Variants in MYOM3 observed in about 807,000 individuals in gnomAD.
The protein encoded by MYOM3 is myomesin-3.
MYOM3 carries 155 observed loss-of-function variants against 191.7 expected under a neutral mutation model. The ratio of observed to expected loss-of-function variants is 0.81; its 90% CI spans 0.71 to 0.92. MYOM3 has a LOEUF of 0.92. MYOM3 is among the 40% of genes least tolerant of loss of function. MYOM3 has a pLI of 0.00. For missense variants in MYOM3, 1,889 were observed against 1,890.6 expected (o/e 1.00, Z 0.02); for synonymous variants, 757 against 762.9 (o/e 0.99, Z 0.13).
intron 10 of MYOM3, among the ~76,000 whole-genome samples, chr1:24,092,633 GT>G (rs796901537): frequency 1.3e-5 from 2 of 152,130 alleles, no homozygotes; most frequent in South Asian, 2.1e-4. Context: ...CCTGCCCAAA[GT>G]CACCCAGCTG....
chr1:24,059,843 G>A lies in MYOM3; in HGVS notation c.3995-864C>T, dbSNP rs1383433920. On this transcript the variant is annotated intron_variant, in intron 35 of 36. Transcript: ENST00000374434. ...CAGGGGAAGCTGTGGGAACAGGACG[G>A]GTGGTCAGCACGGCCTAGACCAGGG... Among the ~76,000 whole-genome samples, 4 of 152,162 alleles carry A rather than the reference G, an allele frequency of 2.6e-5. No homozygotes were observed. In the East Asian group the frequency reaches 7.7e-4, roughly 29 times the overall value.
chr1:24,099,441 G>A (rs1643896154), intron 6 of MYOM3, among the ~76,000 whole-genome samples: 1 of 150,010 alleles, frequency 6.7e-6, no homozygotes, highest in South Asian at 2.1e-4. Flanking sequence ...GAATCACATG[G>A]TGGGTGTGTG....
chr1:24,067,309 T>TTCC (rs1212290821), intron 27 of MYOM3, among the ~76,000 whole-genome samples: 1,307 of 90,872 alleles, frequency 0.014, 247 homozygotes, highest in African/African-American at 0.053. Flanking sequence ...TCTTTCCTTC[T>TTCC]TTCTTTCTTT....
At chr1:24,059,407 T>G (rs1282535764) in intron 35 of MYOM3, among the ~76,000 whole-genome samples, 3 of 152,244 alleles carry the variant, frequency 2.0e-5, no homozygotes, top group Non-Finnish European at 4.4e-5. Flanking sequence ...AGTGGTGGGA[T>G]TATAGGCATG....
At chr1:24,075,792 C>A (rs147328939) in intron 21 of MYOM3, among the ~76,000 whole-genome samples, 2 of 152,326 alleles carry the variant, frequency 1.3e-5, no homozygotes, top group East Asian at 1.9e-4. Context: ...CTGCTCCCCC[C>A]ACCCCTACAT....
At chr1:24,077,983 C>T (rs1029831193) in intron 20 of MYOM3, among the ~76,000 whole-genome samples, 16 of 151,956 alleles carry the variant, frequency 1.1e-4, no homozygotes, top group African/African-American at 3.6e-4. Flanking sequence ...TAATTTTTTC[C>T]GATTATAAAA....
At chr1:24,086,912 G>A (rs1643757123) in intron 14 of MYOM3, 85 bp from the exon 15 acceptor site, 1 of 1,396,706 alleles carries the variant, frequency 7.2e-7, no homozygotes. Flanking sequence ...TCTGTCCCCA[G>A]CCCGTGTGCT....
intron 12 of MYOM3, 72 bp downstream of exon 12, chr1:24,090,725 C>T (rs1421510165): frequency 6.7e-7 from 1 of 1,502,462 alleles, no homozygotes; most frequent in Non-Finnish European, 9.2e-7. Flanking sequence ...GCTGGATTGT[C>T]TCCTGTGTGA....
intron 25 of MYOM3, 102 bp downstream of exon 25, chr1:24,071,015 T>C (rs1643524107): frequency 5.8e-6 from 8 of 1,383,708 alleles, no homozygotes; most frequent in Non-Finnish European, 6.0e-6. Context: ...ATTTCTGAAA[T>C]GGCCACTAGG....
rs370692990 is a variant in MYOM3 at position 24,107,252 on chromosome 1, C to T, written c.243-20G>A. On this transcript the variant is annotated intron_variant, in intron 3 of 36. Coordinates refer to ENST00000374434, the MANE Select transcript of MYOM3 (RefSeq NM_152372.4). ...GCTTCCCTGCCGTGACAGAGGCCATCGGGGCTCAGGCAGGGATGGGGGATG... is the reference window on the plus strand; with the variant it reads ...GCTTCCCTGCCGTGACAGAGGCCATTGGGGCTCAGGCAGGGATGGGGGATG... The T allele has an allele frequency of 2.0e-5, 31 of 1,581,558 alleles. No individual in the cohort carries two copies. Among genetic ancestry groups the T allele is most frequent in the Non-Finnish European group, 2.5e-5 (29 of 1,162,312 alleles).
Position 24,063,075 on chromosome 1 carries a change from G to C in MYOM3, c.3770+51C>G. 7.7e-7 allele frequency: 1 copy of C among 1,296,348 alleles called. No homozygotes were observed. The highest frequency in any genetic ancestry group is 1.1e-6 in the Non-Finnish European group (1 of 893,040). 80.3% of individuals were successfully genotyped at this position (1,296,348 alleles called of 1,614,324 possible). Reference sequence around the variant, plus strand: ...AGGGAGGGAGGCCCCCATGGGTCAGGTGCTGAATCCTTTCCAGCCTGGCTG... The same window carrying C: ...AGGGAGGGAGGCCCCCATGGGTCAGCTGCTGAATCCTTTCCAGCCTGGCTG... On this transcript the variant is annotated intron_variant, in intron 32 of 36. Transcript: ENST00000374434. The surrounding 1 kb of genome is among the most constrained non-coding windows in gnomAD (Gnocchi z 4.5).
In MYOM3 at chr1:24,108,516, G is replaced by T. The variant is rs976472393; in HGVS notation, c.121C>A (p.Arg41Ser). The change falls in exon 2 of 37, where the codon CGC becomes AGC. Residue 41 changes from arginine to serine, a missense_variant. Arg to Ser is a moderately radical substitution (Grantham distance 110, BLOSUM62 -1). Transcript: ENST00000374434. ...EQKEERQHSL[R>S]MGSSVRRRTF... is the part of the protein sequence containing the mutation. ...CGCCTCCGCACAGAGGAGCCCATGC[G>T]CAGGCTGTGCTGCCGCTCCTCCTTC... The T allele has an allele frequency of 7.6e-6, 12 of 1,579,788 alleles. No individual in the cohort carries two copies. Among genetic ancestry groups the T allele is most frequent in the African/African-American group, 2.7e-5 (2 of 74,378 alleles).
intron 1 of MYOM3, among the ~76,000 whole-genome samples, chr1:24,109,223 G>C (rs998090147): frequency 1.3e-5 from 2 of 152,178 alleles, no homozygotes; most frequent in Non-Finnish European, 2.9e-5. Flanking sequence ...CTAATTAGCA[G>C]AGAGACTCTG....
intron 14 of MYOM3, among the ~76,000 whole-genome samples, chr1:24,088,858 T>C (rs1397307642): frequency 6.6e-6 from 1 of 152,170 alleles, no homozygotes; most frequent in Non-Finnish European, 1.5e-5. Context: ...GGCTGTGTTT[T>C]ATTTCATCTT....
chr1:24,059,877 T>C (rs9661287), intron 35 of MYOM3, among the ~76,000 whole-genome samples: 45,152 of 152,012 alleles, frequency 0.3, 7,963 homozygotes, highest in African/African-American at 0.48. Flanking sequence ...GGATCAGGGA[T>C]GTGCAAAGAT....
At position 24,091,265 on chromosome 1, in the gene MYOM3, G is replaced by A. The variant is rs542042767; in HGVS notation, c.1233-269C>T. 1.2e-4 allele frequency among the ~76,000 whole-genome samples: 19 copies of A among 152,260 alleles called. No homozygotes were observed. The South Asian group carries it at 1.9e-3, about 15-fold the overall frequency. ...GCTGTGCCCTCCACACCCAGCCCTC[G>A]TTTTATCTCCCTGGCAGTCCTAGGG... On this transcript the variant is annotated intron_variant, in intron 11 of 36. Transcript: ENST00000374434.
Position 24,090,962 on chromosome 1 carries a change from G to A in MYOM3, c.1267C>T (p.His423Tyr), listed in dbSNP as rs767200002. The change falls in exon 12 of 37, where the codon CAT (histidine) becomes TAT (tyrosine). Residue 423 changes from histidine to tyrosine, a missense_variant. By Grantham distance (83) the His-to-Tyr change is moderately conservative. Transcript: ENST00000374434. The part of the protein sequence containing the change: ...QGESGEWIAC[H>Y]EAPGGTCRCP... ...CGACAAGTCCCTCCGGGGGCCTCAT[G>A]GCAGGCGATCCATTCCCCAGACTCG... 6.2e-7 allele frequency: 1 copy of A among 1,614,076 alleles called. No individual in the cohort carries two copies. Among genetic ancestry groups the A allele is most frequent in the Non-Finnish European group, 8.5e-7 (1 of 1,179,996 alleles).
chr1:24,076,232 T>C lies in MYOM3; in HGVS notation c.2628A>G (p.Val876=), dbSNP rs779209337. ...LQPGKSYVFQ[V]QAMNSAGLGQ... ...CCAGACCAGCTGAATTCATGGCCTG[T>C]ACCTGGAACACGTAACTCTTTCCTG... The change falls in exon 21 of 37, where the codon GTA becomes GTG. Residue 876 remains valine, a synonymous_variant. Transcript: ENST00000374434. The C allele has an allele frequency of 6.2e-7, 1 of 1,614,180 alleles. No individual in the cohort carries two copies. The highest frequency in any genetic ancestry group is 1.1e-5 in the South Asian group (1 of 91,086).
At chr1:24,074,041 A>C (rs942211064) in intron 23 of MYOM3, 119 bp downstream of exon 23, 3 of 716,610 alleles carry the variant, frequency 4.2e-6, no homozygotes, top group Non-Finnish European at 2.4e-6. Context: ...GTGAGGGCCT[A>C]CTTCTCTGTG....
Sources: allele counts gnomAD v4.1 joint callset (sites outside exome capture counted in the v4.1 genomes callset), GRCh38; gene constraint gnomAD v4.1.1; non-coding constraint Gnocchi (gnomAD v3.1); transcripts MANE v1.5; gene names NCBI Gene and HGNC (gene_info 2026-07-23, HGNC 2026-07-21).